The following ANKRD10 variants were observed in gnomAD, a reference collection of about 807,000 sequenced individuals.
ANKRD10 encodes the protein ankyrin repeat domain-containing protein 10.
A neutral mutation model predicts 27.0 loss-of-function variants in ANKRD10; 14 were observed. The observed-to-expected ratio is 0.52, with a 90% CI of 0.34 to 0.81. ANKRD10 has a LOEUF of 0.81. Among genes scored for constraint, ANKRD10 ranks in the 40% least tolerant of loss-of-function variants. The pLI is 0.01. For synonymous variants in ANKRD10, 250 were observed against 224.5 expected (o/e 1.11, Z -1.01); for missense variants, 493 against 544.0 (o/e 0.91, Z 0.93).
At chr13:110,909,503 GGA>G (rs2065633228) in intron 2 of ANKRD10, among the ~76,000 whole-genome samples, 1 of 152,210 alleles carries the variant, frequency 6.6e-6, no homozygotes, top group Admixed American at 6.5e-5. Context: ...GGAGATGGAA[GGA>G]GAGAAGTGGC....
intron 3 of ANKRD10, chr13:110,905,131 T>C (rs1256992441): frequency 6.6e-6 from 1 of 152,006 alleles, no homozygotes; most frequent in Admixed American, 6.5e-5. Flanking sequence ...ACACTTAAGG[T>C]AAAACAAAAA....
chr13:110,889,250 A>G (rs1014016972), intron 4 of ANKRD10, among the ~76,000 whole-genome samples: 2 of 151,946 alleles, frequency 1.3e-5, no homozygotes, highest in African/African-American at 4.8e-5. Context: ...ATACCATCAG[A>G]GCAAATGATT....
At chr13:110,910,916 G>A (rs1358766635) in intron 1 of ANKRD10, 146 bp from the exon 2 acceptor site, 2 of 818,088 alleles carry the variant, frequency 2.4e-6, no homozygotes, top group Non-Finnish European at 3.7e-6. Context: ...CCAATGCCAT[G>A]CAAATTTTAA....
intron 4 of ANKRD10, among the ~76,000 whole-genome samples, chr13:110,888,922 C>G (rs2065004755): frequency 6.6e-6 from 1 of 152,150 alleles, no homozygotes; most frequent in South Asian, 2.1e-4. Context: ...TCACCACAGC[C>G]TACTTCTGGG....
chr13:110,906,107 A>G lies in ANKRD10; in HGVS notation c.381T>C (p.Thr127=). 6.2e-7 allele frequency: 1 copy of G among 1,601,338 alleles called. No individual in the cohort carries two copies. ...NINKPDCEGE[T]PIHKAARSGS... ...CAGAGCGAGCTGCCTTGTGAATGGGAGTTTCACCCTCACAATCCTGAAACA... is the reference window on the plus strand; with the variant it reads ...CAGAGCGAGCTGCCTTGTGAATGGGGGTTTCACCCTCACAATCCTGAAACA... The change falls in exon 3 of 6, where the codon ACT becomes ACC. Residue 127 remains threonine, a synonymous_variant. Coordinates refer to ENST00000267339, the MANE Select transcript of ANKRD10 (RefSeq NM_017664.4).
rs761696228 is a variant in ANKRD10 at position 110,906,060 on chromosome 13, G to A, written c.428C>T (p.Ala143Val). ...GACGTGAGCCCCATTCGCCACAAGG[G>A]CACTGATGCATTCTAGGCTCCCAGA... ...ARSGSLECIS[A>V]LVANGAHVDL... The change falls in exon 3 of 6, where the codon GCC becomes GTC. Residue 143 changes from alanine (A) to valine (V), a missense_variant. Ala to Val is a moderately conservative substitution (Grantham distance 64). Transcript: ENST00000267339. 2.5e-6 allele frequency: 4 copies of A among 1,603,042 alleles called. No homozygotes were observed. The Admixed American group carries it at 5.1e-5, about 20-fold the overall frequency.
At chr13:110,909,545 C>T (rs949338131) in intron 2 of ANKRD10, among the ~76,000 whole-genome samples, 3 of 152,190 alleles carry the variant, frequency 2.0e-5, no homozygotes, top group African/African-American at 7.2e-5. Flanking sequence ...TCCCATATCC[C>T]ACATTTCAGT....
At chr13:110,908,929 G>A (rs1369109301) in intron 2 of ANKRD10, among the ~76,000 whole-genome samples, 4 of 152,206 alleles carry the variant, frequency 2.6e-5, no homozygotes, top group Non-Finnish European at 5.9e-5. Context: ...CAAATACAGG[G>A]AGGGCTGAAA....
chr13:110,898,047 C>CA (rs1420751323), intron 3 of ANKRD10, among the ~76,000 whole-genome samples: 1 of 152,050 alleles, frequency 6.6e-6, no homozygotes, highest in Non-Finnish European at 1.5e-5. Flanking sequence ...AAATCTGTCA[C>CA]AAAATATTAA....
At chr13:110,889,699 T>C (rs1310534114) in intron 4 of ANKRD10, among the ~76,000 whole-genome samples, 2 of 152,196 alleles carry the variant, frequency 1.3e-5, no homozygotes, top group Non-Finnish European at 2.9e-5. Flanking sequence ...GATTCCAAAG[T>C]GTTTTGGCTT....
chr13:110,883,893 T>TA, intron 4 of ANKRD10, 100 bp from the exon 5 acceptor site: 1 of 1,236,906 alleles, frequency 8.1e-7, no homozygotes, highest in South Asian at 1.5e-5. Context: ...CTGAACACTT[T>TA]AAACAATCAC....
rs1431156478 is a variant in ANKRD10 at position 110,878,694 on chromosome 13, A to G, written c.*943T>C. ...AGTAAAAATTCATTACAATATTTGC[A>G]GAGTATAACCACTAGTTGCCTAGAC... On this transcript the variant is annotated 3_prime_UTR_variant, in exon 6 of 6. Transcript: ENST00000267339. 1 of 152,700 alleles carries G rather than the reference A, an allele frequency of 6.5e-6. No individual in the cohort carries two copies. The highest frequency in any genetic ancestry group is 1.5e-5 in the Non-Finnish European group (1 of 68,052). 9.5% of individuals were successfully genotyped at this position (152,700 alleles called of 1,614,324 possible).
chr13:110,888,291 G>A (rs1465477866), intron 4 of ANKRD10, among the ~76,000 whole-genome samples: 3 of 151,584 alleles, frequency 2.0e-5, no homozygotes, highest in Non-Finnish European at 4.4e-5. Flanking sequence ...TCAGGCCCAT[G>A]AGGTTTGCTC....
intron 1 of ANKRD10, among the ~76,000 whole-genome samples, chr13:110,914,206 C>G (rs574344181): frequency 1.3e-5 from 2 of 152,342 alleles, no homozygotes; most frequent in African/African-American, 4.8e-5. Flanking sequence ...CGGCCCTCGG[C>G]TACTGGCGAG....
rs2064763494 is a variant in ANKRD10, at chr13:110,879,141, C to G, written c.*496G>C. On this transcript the variant is annotated 3_prime_UTR_variant, in exon 6 of 6. Coordinates refer to ENST00000267339, the MANE Select transcript of ANKRD10 (RefSeq NM_017664.4). ...CTTCATTGAAAAAGACAAACGTTCT[C>G]TTCTTCACACAAATCACTGCAGAAA... 6.1e-6 allele frequency: 1 copy of G among 162,606 alleles called. No homozygotes were observed. Among genetic ancestry groups the G allele is most frequent in the Non-Finnish European group, 1.4e-5 (1 of 72,878 alleles). The allele number at this position is 162,606 out of a possible 1,614,324, so 10.1% of individuals were successfully genotyped here. A position where few individuals can be genotyped will look rare whatever the true frequency, so the allele number is the denominator to read the frequency against.
rs546278604 is a variant in ANKRD10 at position 110,909,211 on chromosome 13, CA to C, written c.363+1406del. Among the ~76,000 whole-genome samples the C allele has an allele frequency of 1.0e-3, 156 of 152,282 alleles. 1 individual carries two copies. Among genetic ancestry groups the C allele is most frequent in the African/African-American group, 3.6e-3 (150 of 41,550 alleles). On this transcript the variant is annotated intron_variant, in intron 2 of 5. Coordinates refer to ENST00000267339, the MANE Select transcript of ANKRD10 (RefSeq NM_017664.4). ...TAACAATTTGATGAAAATTAACCTACAAAAATGATATACTTAAATTCCATAC... is the reference window on the plus strand; with the variant it reads ...TAACAATTTGATGAAAATTAACCTACAAAATGATATACTTAAATTCCATAC...
chr13:110,887,229 AC>A (rs1045401844), intron 4 of ANKRD10, among the ~76,000 whole-genome samples: 1 of 152,096 alleles, frequency 6.6e-6, no homozygotes, highest in African/African-American at 2.4e-5. Flanking sequence ...GTTGCACAAA[AC>A]CCCTAAAGCC....
At chr13:110,904,822 G>A (rs4773272) in intron 3 of ANKRD10, among the ~76,000 whole-genome samples, 150,451 of 152,302 alleles carry the variant, frequency 0.99, 74,345 homozygotes, top group East Asian at 1. Context: ...TATAATACCA[G>A]ATCACTATAT....
intron 3 of ANKRD10, chr13:110,900,767 A>G: frequency 9.7e-7 from 1 of 1,027,186 alleles, no homozygotes. Flanking sequence ...GCAATGGTTC[A>G]TAATACAGGA....
Sources: gnomAD v4.1 joint callset for allele counts (sites outside exome capture counted in the v4.1 genomes callset) on GRCh38, gnomAD v4.1.1 for gene constraint, MANE v1.5 for transcripts, NCBI Gene and HGNC (gene_info 2026-07-23, HGNC 2026-07-21) for gene names.